The following DOCK10 variants were observed in gnomAD, a reference collection of about 807,000 sequenced individuals.
The protein encoded by DOCK10 is dedicator of cytokinesis 10, also known as dedicator of cytokinesis protein 10.
A neutral mutation model predicts 280.1 loss-of-function variants in DOCK10; 145 were observed. That is an observed-to-expected ratio of 0.52 (90% CI 0.45 to 0.59). The LOEUF (loss-of-function observed/expected upper bound fraction) is 0.59. DOCK10 is among the 20% of genes least tolerant of loss of function. The pLI, the probability that DOCK10 is intolerant of heterozygous loss-of-function variation, is 0.00. For synonymous variants in DOCK10, 915 were observed against 942.2 expected, an observed-to-expected ratio of 0.97 and a Z score of 0.53; for missense variants, 2,368 against 2,651.7, an observed-to-expected ratio of 0.89 and a Z score of 2.35.
chr2:224,902,417 C>T (rs962249380), intron 3 of DOCK10, among the ~76,000 whole-genome samples: 5 of 152,074 alleles, frequency 3.3e-5, no homozygotes, highest in African/African-American at 9.7e-5. Flanking sequence ...ATTTGTAAAA[C>T]GATGGTGGCA....
In DOCK10 at chr2:224,804,205, G is replaced by A; in HGVS notation, c.4175C>T (p.Ala1392Val). Residue 1392 changes from alanine (A) to valine (V), a missense_variant, in exon 39 of 56, where the codon GCT (alanine) becomes GTT (valine). Around this residue, in one of 2 missense-constraint regions of DOCK10, gnomAD observed 1,159 missense variants for 1,400.8 expected, o/e 0.83. Coordinates refer to ENST00000258390, the MANE Select transcript of DOCK10 (RefSeq NM_014689.3). ...LGKRNIIRKIAAAFKFVQSTQ... is the reference protein window; with the variant it reads ...LGKRNIIRKIVAAFKFVQSTQ... ...GGACTGCACAAATTTAAATGCAGCA[G>A]CAATTTTTCTGCAATGAAAATGGAA... 6.2e-7 allele frequency: 1 copy of A among 1,606,478 alleles called. No homozygotes were observed. The highest frequency in any genetic ancestry group is 1.1e-5 in the South Asian group (1 of 90,272).
intron 1 of DOCK10, among the ~76,000 whole-genome samples, chr2:225,002,110 T>C (rs763540755): frequency 9.2e-5 from 14 of 152,124 alleles, no homozygotes; most frequent in Non-Finnish European, 1.9e-4. Flanking sequence ...GATGAATAAA[T>C]GACACTTGGG....
intron 31 of DOCK10, among the ~76,000 whole-genome samples, chr2:224,812,030 T>G (rs1347140364): frequency 6.6e-6 from 1 of 152,142 alleles, no homozygotes; most frequent in Non-Finnish European, 1.5e-5. Context: ...AAGAAAGTCA[T>G]TGGTAGCTTG....
chr2:224,961,434 C>CTTTCTTTCTT (rs1704411181), intron 1 of DOCK10, among the ~76,000 whole-genome samples: 3 of 126,890 alleles, frequency 2.4e-5, no homozygotes, highest in Admixed American at 8.6e-5. Flanking sequence ...TTCTTTCTTT[C>CTTTCTTTCTT]TTTCTTTCTT....
chr2:224,852,841 C>A, intron 17 of DOCK10, 94 bp downstream of exon 17: 1 of 1,093,518 alleles, frequency 9.1e-7, no homozygotes, highest in Non-Finnish European at 1.3e-6. Context: ...GAGTGTTGCC[C>A]CATAGTAATT....
chr2:224,840,183 G>C (rs368903339), intron 23 of DOCK10, 111 bp from the exon 24 acceptor site: 2 of 573,434 alleles, frequency 3.5e-6, no homozygotes, highest in South Asian at 2.5e-5. Context: ...GAAAAACTTC[G>C]TGACATTAGA....
In DOCK10 at chr2:224,800,152, T is replaced by C; in HGVS notation, c.4505A>G (p.Gln1502Arg). ...AGAAAATGTTATCATCATATTCACC[T>C]GATGAGTCTGTGTGAAGAGGGATAA... ...DLLSLFTQTH[Q>R]RQLQQCDCQN... The change falls in exon 41 of 56, where the codon CAG (glutamine) becomes CGG (arginine). Residue 1502 changes from glutamine (Q) to arginine (R), a missense_variant and splice_region_variant. Physicochemically the swap from Gln to Arg is conservative, Grantham distance 43 (BLOSUM62 1). Transcript: ENST00000258390. The C allele has an allele frequency of 6.3e-7, 1 of 1,575,232 alleles. No individual in the cohort carries two copies. The highest frequency in any genetic ancestry group is 1.1e-5 in the South Asian group (1 of 88,104).
intron 42 of DOCK10, 69 bp from the exon 43 acceptor site, chr2:224,797,215 T>A: frequency 8.4e-7 from 1 of 1,187,180 alleles, no homozygotes; most frequent in Non-Finnish European, 1.1e-6. Context: ...TCTCATATTT[T>A]AAAATTCCCT....
chr2:224,840,939 G>C (rs1054016816), intron 23 of DOCK10, among the ~76,000 whole-genome samples: 1 of 152,174 alleles, frequency 6.6e-6, no homozygotes, highest in Non-Finnish European at 1.5e-5. Context: ...TAAAAAGGAA[G>C]GAAATTAGGT....
At chr2:225,017,882 T>C (rs867024440) in intron 1 of DOCK10, among the ~76,000 whole-genome samples, 1 of 152,206 alleles carries the variant, frequency 6.6e-6, no homozygotes, top group African/African-American at 2.4e-5. Flanking sequence ...GTCTGGGCTA[T>C]AATTCTATTT....
rs1466779834 is a variant in DOCK10 at position 224,800,279 on chromosome 2, TAAAAC to T, written c.4394-21_4394-17del. Reference sequence around the variant, plus strand: ...TTGGAGTTGCCTATAAAATACAAAATAAAACATGCGTAAAAGTCTAAGACAATGCT... The same window carrying T: ...TTGGAGTTGCCTATAAAATACAAAATATGCGTAAAAGTCTAAGACAATGCT... On this transcript the variant is annotated splice_polypyrimidine_tract_variant and intron_variant, in intron 40 of 55. Transcript: ENST00000258390. 6.6e-7 allele frequency: 1 copy of T among 1,521,084 alleles called. No individual in the cohort carries two copies. The highest frequency in any genetic ancestry group is 1.1e-5 in the South Asian group (1 of 87,082). The allele number at this position is 1,521,084 out of a possible 1,614,324, so 94.2% of individuals were successfully genotyped here.
intron 1 of DOCK10, among the ~76,000 whole-genome samples, chr2:224,978,058 C>G (rs918986302): frequency 1.4e-4 from 22 of 152,194 alleles, no homozygotes; most frequent in African/African-American, 5.3e-4. Context: ...TTAGTGACAA[C>G]TGCTTAAAAA....
At chr2:224,999,313 C>T (rs866625135) in intron 1 of DOCK10, among the ~76,000 whole-genome samples, 2 of 151,726 alleles carry the variant, frequency 1.3e-5, no homozygotes, top group South Asian at 2.1e-4. Flanking sequence ...TTTAAAGATC[C>T]TCCTGACTTG....
intron 1 of DOCK10, among the ~76,000 whole-genome samples, chr2:224,984,511 T>C (rs1484028234): frequency 2.0e-5 from 3 of 152,188 alleles, no homozygotes; most frequent in Admixed American, 2.0e-4. Flanking sequence ...GCTCTGAATA[T>C]TCTCTCTCTC....
chr2:224,795,203 T>C (rs1359986732), intron 44 of DOCK10, 109 bp from the exon 45 acceptor site: 2 of 926,598 alleles, frequency 2.2e-6, no homozygotes, highest in Admixed American at 2.5e-5. Flanking sequence ...GAGCATTCTA[T>C]ATATAGTTAT....
At chr2:225,005,546 C>T (rs1706541805) in intron 1 of DOCK10, among the ~76,000 whole-genome samples, 1 of 152,128 alleles carries the variant, frequency 6.6e-6, no homozygotes, top group African/African-American at 2.4e-5. Context: ...CATAAAATTT[C>T]ATTTTAAACT....
intron 1 of DOCK10, among the ~76,000 whole-genome samples, chr2:224,967,542 C>T (rs1704843806): frequency 6.6e-6 from 1 of 152,154 alleles, no homozygotes; most frequent in Non-Finnish European, 1.5e-5. Flanking sequence ...TGCCACTTTA[C>T]TTGGTGACTA....
At chr2:224,848,317 G>C (rs1696498603) in intron 19 of DOCK10, among the ~76,000 whole-genome samples, 1 of 152,208 alleles carries the variant, frequency 6.6e-6, no homozygotes, top group African/African-American at 2.4e-5. Flanking sequence ...GTGAATCTCA[G>C]GCATCCCATC....
chr2:224,884,846 G>C (rs2125748239), intron 7 of DOCK10, among the ~76,000 whole-genome samples: 1 of 152,208 alleles, frequency 6.6e-6, no homozygotes, highest in East Asian at 1.9e-4. Context: ...TTAATACCAT[G>C]TCATTTGCAT....
Sources: gnomAD v4.1 joint callset for allele counts (sites outside exome capture counted in the v4.1 genomes callset) on GRCh38, gnomAD v4.1.1 for gene constraint, gnomAD v4.1.1 regional missense constraint, MANE v1.5 for transcripts, NCBI Gene and HGNC (gene_info 2026-07-23, HGNC 2026-07-21) for gene names.